RIMS1: variants seen among roughly 807,000 people sequenced by gnomAD.
RIMS1 encodes regulating synaptic membrane exocytosis 1.
Under a neutral mutation model 214.1 loss-of-function variants are expected in RIMS1, and 83 were observed. That is an observed-to-expected ratio of 0.39 (90% CI 0.32 to 0.47). The LOEUF is 0.47. Among genes scored for constraint, RIMS1 ranks in the 20% least tolerant of loss-of-function variants. The probability of loss-of-function intolerance (pLI) is 0.99; values close to 1 mark genes in which losing one functional copy is unlikely to be tolerated. For missense variants in RIMS1, 2,050 were observed against 2,161.8 expected, an observed-to-expected ratio of 0.95 and a Z score of 1.03; for synonymous variants, 793 against 786.8, an observed-to-expected ratio of 1.01 and a Z score of -0.13.
At chr6:71,936,348 A>AAG (rs1236546836) in intron 1 of RIMS1, among the ~76,000 whole-genome samples, 1 of 149,642 alleles carries the variant, frequency 6.7e-6, no homozygotes, top group South Asian at 2.1e-4. Context: ...AAAAAAAAAA[A>AAG]AAAAGAAAAG....
intron 4 of RIMS1, among the ~76,000 whole-genome samples, chr6:72,177,311 G>A (rs1247754514): frequency 4.6e-5 from 7 of 152,176 alleles, no homozygotes; most frequent in Non-Finnish European, 1.0e-4. Context: ...GAGAACAGTG[G>A]CGGGATCTCA....
At chr6:71,898,031 G>A (rs917866244) in intron 1 of RIMS1, among the ~76,000 whole-genome samples, 2 of 152,034 alleles carry the variant, frequency 1.3e-5, no homozygotes, top group Non-Finnish European at 2.9e-5. Context: ...AAAATATATT[G>A]GATACTAGAC....
intron 29 of RIMS1, 135 bp downstream of exon 29, chr6:72,333,970 T>C: frequency 1.5e-6 from 1 of 668,022 alleles, no homozygotes; most frequent in Non-Finnish European, 2.6e-6. Context: ...TTTCTGTCTC[T>C]GAAAATCTGC....
intron 2 of RIMS1, among the ~76,000 whole-genome samples, chr6:72,036,045 G>T (rs1305988245): frequency 2.6e-5 from 4 of 152,128 alleles, no homozygotes; most frequent in Non-Finnish European, 5.9e-5. Context: ...GCACAGAAAA[G>T]CTGCATATTT....
intron 31 of RIMS1, among the ~76,000 whole-genome samples, chr6:72,394,992 A>G (rs900230477): frequency 2.6e-5 from 4 of 152,078 alleles, no homozygotes. Flanking sequence ...AGAAAGTTAG[A>G]GAATGGGAAA....
At chr6:72,304,805 C>T (rs1296635789) in intron 26 of RIMS1, among the ~76,000 whole-genome samples, 1 of 151,864 alleles carries the variant, frequency 6.6e-6, no homozygotes, top group Non-Finnish European at 1.5e-5. Context: ...AATTATTTGG[C>T]TTTTTGCTAC....
intron 29 of RIMS1, among the ~76,000 whole-genome samples, chr6:72,347,989 G>T (rs1355966035): frequency 1.3e-5 from 2 of 151,878 alleles, no homozygotes; most frequent in South Asian, 4.1e-4. Flanking sequence ...TAATGCAGAA[G>T]AATCTTGATA....
rs1198054737 is a variant in RIMS1 at position 71,886,924 on chromosome 6, A to G, written c.-100A>G. 18 of 1,398,358 alleles carry G rather than the reference A, an allele frequency of 1.3e-5. No individual in the cohort carries two copies. The highest frequency in any genetic ancestry group is 1.7e-5 in the Non-Finnish European group (17 of 1,021,924). 86.6% of individuals were successfully genotyped at this position (1,398,358 alleles called of 1,614,324 possible). On this transcript the variant is annotated 5_prime_UTR_variant, in exon 1 of 34. Transcript: ENST00000521978. Reference sequence around the variant, plus strand: ...TGCTCCTCCTCCTGCCGCCGCCGCTAGGGCTCCGCTGTGAGGGGGAAGCAG... The same window carrying G: ...TGCTCCTCCTCCTGCCGCCGCCGCTGGGGCTCCGCTGTGAGGGGGAAGCAG...
intron 1 of RIMS1, among the ~76,000 whole-genome samples, chr6:71,954,872 C>CACAT (rs1554153752): frequency 2.9e-5 from 2 of 67,820 alleles, no homozygotes; most frequent in African/African-American, 1.7e-4. Flanking sequence ...ACACACACTC[C>CACAT]ACACACACAC....
chr6:72,324,596 C>T lies in RIMS1; in HGVS notation c.4131-9004C>T, dbSNP rs543896707. On this transcript the variant is annotated intron_variant, in intron 28 of 33. Transcript: ENST00000521978. ...TAATTGCATCAAAAGTAAATGTACT[C>T]AGTAAAAATTACCAATATCATAGAA... 1.3e-4 allele frequency among the ~76,000 whole-genome samples: 20 copies of T among 151,848 alleles called. 1 individual carries two copies. The South Asian group carries it at 3.9e-3, about 30-fold the overall frequency.
chr6:72,351,602 A>G (rs1018612473), intron 29 of RIMS1, among the ~76,000 whole-genome samples: 1 of 152,180 alleles, frequency 6.6e-6, no homozygotes, highest in Non-Finnish European at 1.5e-5. Context: ...TAAGTCACTT[A>G]ACCATTGTCA....
At chr6:72,108,119 A>G (rs1371177954) in intron 4 of RIMS1, among the ~76,000 whole-genome samples, 1 of 152,144 alleles carries the variant, frequency 6.6e-6, no homozygotes, top group African/African-American at 2.4e-5. Flanking sequence ...CCCTGGGCTC[A>G]GGCCATCATC....
At chr6:72,120,836 TAAGG>T (rs372748479) in intron 4 of RIMS1, among the ~76,000 whole-genome samples, 19 of 152,086 alleles carry the variant, frequency 1.2e-4, no homozygotes, top group African/African-American at 4.1e-4. Context: ...TTATAAGGTT[TAAGG>T]AAGGGATGCA....
Position 72,097,182 on chromosome 6 carries a change from A to G in RIMS1, c.459+20A>G, listed in dbSNP as rs759188295. The stretch of plus-strand genomic sequence containing the variant: ...AACAACGTGAGTATTCCATGAACAT[A>G]AGGGGCGTTGTGAATGTGGATAAAA... On this transcript the variant is annotated intron_variant, in intron 3 of 33. Transcript: ENST00000521978. 2 of 1,606,036 alleles carry G rather than the reference A, an allele frequency of 1.2e-6. No homozygotes were observed. The highest frequency in any genetic ancestry group is 1.7e-6 in the Non-Finnish European group (2 of 1,173,496).
chr6:72,306,291 T>C (rs1409336421), intron 26 of RIMS1, among the ~76,000 whole-genome samples: 1 of 151,858 alleles, frequency 6.6e-6, no homozygotes, highest in African/African-American at 2.4e-5. Context: ...CTTAAAAATC[T>C]GAATACTTGT....
At chr6:72,129,855 A>G (rs1377791048) in intron 4 of RIMS1, among the ~76,000 whole-genome samples, 3 of 152,164 alleles carry the variant, frequency 2.0e-5, no homozygotes, top group Non-Finnish European at 4.4e-5. Context: ...ATGAATTTTA[A>G]TAAACAAAAC....
rs771939866 is a variant in RIMS1, at chr6:72,290,821, G to T, written c.3697G>T (p.Val1233Phe). The change falls in exon 25 of 34, where the codon GTC becomes TTC. Residue 1233 changes from valine to phenylalanine, a missense_variant. By Grantham distance (50) the Val-to-Phe change is conservative (BLOSUM62 -1). Coordinates refer to ENST00000521978, the MANE Select transcript of RIMS1 (RefSeq NM_014989.7). ...IRTLCSMHHL[V>F]PGGSAPPSPL... ...AACACTGTGTTCTATGCACCACCTTGTCCCTGGAGGGTCGGCGCCACCTTC... is the reference window on the plus strand; with the variant it reads ...AACACTGTGTTCTATGCACCACCTTTTCCCTGGAGGGTCGGCGCCACCTTC... The T allele has an allele frequency of 1.2e-6, 2 of 1,613,422 alleles. No individual in the cohort carries two copies. The highest frequency in any genetic ancestry group is 1.7e-6 in the Non-Finnish European group (2 of 1,179,732).
At chr6:71,967,375 G>A (rs1345706455) in intron 1 of RIMS1, among the ~76,000 whole-genome samples, 6 of 151,512 alleles carry the variant, frequency 4.0e-5, no homozygotes, top group East Asian at 1.9e-4. Flanking sequence ...GCAACAGAGC[G>A]AGACTCCATC....
chr6:72,360,891 G>GATATGTTTCCT, intron 29 of RIMS1, among the ~76,000 whole-genome samples: 1 of 149,100 alleles, frequency 6.7e-6, no homozygotes, highest in East Asian at 1.9e-4. Context: ...GGGTATAGTG[G>GATATGTTTCCT]ATATGTTTCC....
Sources: allele counts gnomAD v4.1 joint callset (sites outside exome capture counted in the v4.1 genomes callset), GRCh38; gene constraint gnomAD v4.1.1; transcripts MANE v1.5; gene names NCBI Gene and HGNC (gene_info 2026-07-23, HGNC 2026-07-21).